The following NLGN4Y variants were observed in gnomAD, a reference collection of about 807,000 sequenced individuals.
NLGN4Y encodes neuroligin 4 Y-linked, also known as neuroligin-4, Y-linked.
In NLGN4Y, 4 loss-of-function variants were observed where a neutral mutation model predicts 8.4. That is an observed-to-expected ratio of 0.48 (90% CI 0.23 to 1.09). The LOEUF is 1.09. Among genes scored for constraint, NLGN4Y ranks in the 50% least tolerant of loss-of-function variants. The probability of loss-of-function intolerance (pLI) is 0.19; values close to 1 mark genes in which losing one functional copy is unlikely to be tolerated. For synonymous variants in NLGN4Y, 35 were observed against 75.6 expected (o/e 0.46, Z 2.78); for missense variants, 90 against 192.3 (o/e 0.47, Z 3.15).
intron 4 of NLGN4Y, among the ~76,000 whole-genome samples, chrY:14,740,647 T>G (rs2081003377): frequency 3.0e-5 from 1 of 33,443 alleles, no homozygotes; most frequent in Non-Finnish European, 7.4e-5. Context: ...TCATATGCAT[T>G]TTTTCATTTG....
intron 1 of NLGN4Y, among the ~76,000 whole-genome samples, chrY:14,567,008 C>T: frequency 3.0e-5 from 1 of 33,212 alleles, no homozygotes; most frequent in Non-Finnish European, 7.4e-5. Flanking sequence ...ACTGAACAAC[C>T]CGCTCCTGAA....
chrY:14,832,296 A>G, intron 6 of NLGN4Y, among the ~76,000 whole-genome samples: 1 of 34,322 alleles, frequency 2.9e-5, no homozygotes, highest in African/African-American at 1.1e-4. Flanking sequence ...TGGAAAATGT[A>G]TCATCTGGAT....
intron 4 of NLGN4Y, among the ~76,000 whole-genome samples, chrY:14,790,908 A>G (rs1019168821): frequency 3.0e-5 from 1 of 33,874 alleles, no homozygotes; most frequent in Non-Finnish European, 7.3e-5. Context: ...CTTAACTACA[A>G]AGAGGTCATA....
intron 4 of NLGN4Y, among the ~76,000 whole-genome samples, chrY:14,748,894 G>A (rs200276458): frequency 9.3e-3 from 29 of 3,120 alleles, no homozygotes; most frequent in African/African-American, 0.061. Context: ...AAAAAAAAAA[G>A]AAAAAAAAAG....
intron 4 of NLGN4Y, among the ~76,000 whole-genome samples, chrY:14,769,030 C>A (rs1048656792): frequency 9.0e-5 from 3 of 33,461 alleles, no homozygotes; most frequent in Admixed American, 8.2e-4. Context: ...TATTTAACTG[C>A]ATTCCACATG....
chrY:14,572,776 A>G, intron 1 of NLGN4Y, among the ~76,000 whole-genome samples: 1 of 33,464 alleles, frequency 3.0e-5, no homozygotes, highest in Non-Finnish European at 7.4e-5. Context: ...TGTCCCACCA[A>G]TACCGAATTT....
At chrY:14,831,527 AT>A (rs2043178962) in intron 6 of NLGN4Y, among the ~76,000 whole-genome samples, 1 of 29,621 alleles carries the variant, frequency 3.4e-5, no homozygotes, top group African/African-American at 1.3e-4. Flanking sequence ...TAATATATAT[AT>A]TATATATATA....
intron 1 of NLGN4Y, among the ~76,000 whole-genome samples, chrY:14,564,483 C>T: frequency 3.0e-5 from 1 of 33,221 alleles, no homozygotes; most frequent in Non-Finnish European, 7.4e-5. Context: ...GGTTTTATGG[C>T]CACAGTATAA....
intron 2 of NLGN4Y, among the ~76,000 whole-genome samples, chrY:14,630,465 C>A (rs2080544817): frequency 3.0e-5 from 1 of 33,468 alleles, no homozygotes; most frequent in Non-Finnish European, 7.4e-5. Context: ...GAAACTTTAC[C>A]TCTGGAAGAA....
chrY:14,650,855 A>C, intron 2 of NLGN4Y, among the ~76,000 whole-genome samples: 1 of 32,224 alleles, frequency 3.1e-5, no homozygotes, highest in Non-Finnish European at 7.6e-5. Context: ...CCTACCTACG[A>C]GGGAGGGAAC....
intron 1 of NLGN4Y, among the ~76,000 whole-genome samples, chrY:14,555,998 C>G: frequency 3.1e-5 from 1 of 31,909 alleles, no homozygotes. Context: ...ACTAAAAATA[C>G]AAAAATCAGC....
At position 14,842,709 on chromosome Y, in the gene NLGN4Y, G is replaced by C. The variant is rs2043229997; in HGVS notation, c.*1447G>C. ...AATATTAAGAAGAATGGGGGAAAAA[G>C]GATAGAATATTAAAACTGCTTTGCA... On this transcript the variant is annotated 3_prime_UTR_variant, in exon 7 of 7. Coordinates refer to ENST00000684976, the MANE Select transcript of NLGN4Y (RefSeq NM_001365588.1). 1 of 120,125 alleles carries C rather than the reference G, an allele frequency of 8.3e-6. No homozygotes were observed. The highest frequency in any genetic ancestry group is 1.8e-5 in the Non-Finnish European group (1 of 55,867). The allele number at this position is 120,125 out of a possible 400,897, so 30.0% of individuals were successfully genotyped here.
chrY:14,580,739 T>A, intron 1 of NLGN4Y, among the ~76,000 whole-genome samples: 1 of 29,725 alleles, frequency 3.4e-5, no homozygotes, highest in East Asian at 8.7e-4. Flanking sequence ...ATTCTTACTT[T>A]CATTTAAAAA....
intron 1 of NLGN4Y, among the ~76,000 whole-genome samples, chrY:14,583,501 A>C: frequency 3.0e-5 from 1 of 33,707 alleles, no homozygotes; most frequent in Non-Finnish European, 7.3e-5. Context: ...GACTTGAGAC[A>C]TAAGGGGATT....
intron 4 of NLGN4Y, among the ~76,000 whole-genome samples, chrY:14,777,072 TATC>T (rs2081128875): frequency 3.0e-5 from 1 of 33,182 alleles, no homozygotes; most frequent in Non-Finnish European, 7.4e-5. Flanking sequence ...GAGTGGAAAT[TATC>T]ATTCTTTTCT....
chrY:14,605,898 G>A, intron 1 of NLGN4Y, among the ~76,000 whole-genome samples: 2 of 33,701 alleles, frequency 5.9e-5, no homozygotes, highest in Non-Finnish European at 1.5e-4. Flanking sequence ...ACATACAAAA[G>A]TAGATGAATT....
At chrY:14,718,117 A>G (rs2080922400) in intron 2 of NLGN4Y, among the ~76,000 whole-genome samples, 2 of 33,914 alleles carry the variant, frequency 5.9e-5, no homozygotes, top group African/African-American at 1.1e-4. Flanking sequence ...CTAGAAAAAG[A>G]CAAATCTTAC....
At chrY:14,756,583 A>C in intron 4 of NLGN4Y, among the ~76,000 whole-genome samples, 1 of 27,520 alleles carries the variant, frequency 3.6e-5, no homozygotes, top group Non-Finnish European at 8.3e-5. Flanking sequence ...CCCCATCTCT[A>C]CTAAAAATAC....
intron 2 of NLGN4Y, among the ~76,000 whole-genome samples, chrY:14,686,271 C>A (rs778636744): frequency 1.6e-3 from 52 of 33,008 alleles, no homozygotes; most frequent in Admixed American, 0.012. Flanking sequence ...AGAGCAAAGA[C>A]AAGTGTCCCT....
Sources: gnomAD v4.1 joint callset for allele counts (sites outside exome capture counted in the v4.1 genomes callset) on GRCh38, gnomAD v4.1.1 for gene constraint, MANE v1.5 for transcripts, NCBI Gene and HGNC (gene_info 2026-07-23, HGNC 2026-07-21) for gene names.